Variants in GADL1 observed in about 807,000 individuals in gnomAD.
The protein encoded by GADL1 is GAD like acidic amino acid decarboxylase 1.
Under a neutral mutation model 69.5 loss-of-function variants are expected in GADL1, and 71 were observed. The ratio of observed to expected loss-of-function variants is 1.02; its 90% CI spans 0.84 to 1.25. GADL1 has a LOEUF of 1.25. GADL1 is among the 50% of genes most tolerant of loss of function. The pLI is 0.00. For missense variants in GADL1, 737 were observed against 631.8 expected (o/e 1.17, Z -1.79); for synonymous variants, 254 against 214.4 (o/e 1.18, Z -1.62).
At chr3:30,793,422 A>C (rs1415989087) in intron 12 of GADL1, among the ~76,000 whole-genome samples, 1 of 152,078 alleles carries the variant, frequency 6.6e-6, no homozygotes, top group African/African-American at 2.4e-5. Context: ...GCCGGAAAAA[A>C]AGTACGTTCA....
chr3:30,763,064 A>G (rs1325074350), intron 14 of GADL1, among the ~76,000 whole-genome samples: 1 of 152,218 alleles, frequency 6.6e-6, no homozygotes, highest in Non-Finnish European at 1.5e-5. Context: ...CCATATACTG[A>G]TATCATTTTA....
At chr3:30,853,412 A>T (rs1251873246) in intron 4 of GADL1, among the ~76,000 whole-genome samples, 1 of 152,162 alleles carries the variant, frequency 6.6e-6, no homozygotes, top group Non-Finnish European at 1.5e-5. Flanking sequence ...AGTCTCATCC[A>T]CGTCCACCAT....
intron 11 of GADL1, among the ~76,000 whole-genome samples, chr3:30,822,481 T>G (rs1200705442): frequency 6.6e-6 from 1 of 152,062 alleles, no homozygotes; most frequent in Non-Finnish European, 1.5e-5. Flanking sequence ...AGCCTCTGTT[T>G]TTTAGATCAT....
intron 1 of GADL1, among the ~76,000 whole-genome samples, chr3:30,885,369 T>C (rs1698689313): frequency 1.3e-5 from 2 of 152,102 alleles, no homozygotes; most frequent in South Asian, 2.1e-4. Flanking sequence ...TTTTAAACAA[T>C]AGAATGACAT....
intron 1 of GADL1, among the ~76,000 whole-genome samples, chr3:30,875,211 G>C (rs1324067540): frequency 1.5e-5 from 2 of 135,532 alleles, no homozygotes; most frequent in Non-Finnish European, 3.1e-5. Context: ...CAAGGATATA[G>C]AGAAAAAAAA....
At chr3:30,828,393 C>CT (rs1175436033) in intron 11 of GADL1, among the ~76,000 whole-genome samples, 1 of 147,548 alleles carries the variant, frequency 6.8e-6, no homozygotes, top group Non-Finnish European at 1.5e-5. Context: ...TTACGTTGTA[C>CT]TATGTGGCTC....
intron 14 of GADL1, among the ~76,000 whole-genome samples, chr3:30,751,133 A>G (rs1386311662): frequency 2.0e-5 from 3 of 150,332 alleles, no homozygotes; most frequent in African/African-American, 7.5e-5. Context: ...CTTACGGGCC[A>G]TATCCTCGCT....
In GADL1 at chr3:30,847,217, G is replaced by A. The variant is rs186255423; in HGVS notation, c.652-2751C>T. Among the ~76,000 whole-genome samples the A allele has an allele frequency of 1.8e-4, 27 of 152,224 alleles. No homozygotes were observed. The East Asian group carries it at 5.2e-3, about 29-fold the overall frequency. On this transcript the variant is annotated intron_variant, in intron 6 of 14. Coordinates refer to ENST00000282538, the MANE Select transcript of GADL1 (RefSeq NM_207359.3). ...CTAGAGAGGCAACCTTGGATATATT[G>A]ACAGTGCAAAGGTCTTTGTCATGAC...
intron 14 of GADL1, among the ~76,000 whole-genome samples, chr3:30,771,273 G>C (rs1227417975): frequency 6.6e-6 from 1 of 152,182 alleles, no homozygotes; most frequent in Non-Finnish European, 1.5e-5. Flanking sequence ...GTGGCTTCTT[G>C]ACCCTTAGTT....
intron 11 of GADL1, among the ~76,000 whole-genome samples, chr3:30,825,148 C>T (rs1697662010): frequency 6.6e-6 from 1 of 151,868 alleles, no homozygotes; most frequent in Non-Finnish European, 1.5e-5. Context: ...TATGCAGTTT[C>T]ACATCTTGGA....
chr3:30,789,166 A>C (rs1696861230), intron 12 of GADL1, among the ~76,000 whole-genome samples: 1 of 152,356 alleles, frequency 6.6e-6, no homozygotes, highest in East Asian at 1.9e-4. Flanking sequence ...TGAAAGTCTA[A>C]ATTACTCCTT....
intron 13 of GADL1, among the ~76,000 whole-genome samples, chr3:30,783,104 A>C (rs1428816022): frequency 6.6e-6 from 1 of 152,248 alleles, no homozygotes; most frequent in Non-Finnish European, 1.5e-5. Flanking sequence ...TAACAGATAC[A>C]TTAAGACAGG....
intron 14 of GADL1, among the ~76,000 whole-genome samples, chr3:30,755,219 A>C (rs943472834): frequency 2.0e-5 from 3 of 152,184 alleles, no homozygotes; most frequent in Non-Finnish European, 4.4e-5. Context: ...TTTGTCTTGC[A>C]TGCAATAGGA....
At chr3:30,733,332 C>T (rs1173520210) in intron 14 of GADL1, among the ~76,000 whole-genome samples, 1 of 152,138 alleles carries the variant, frequency 6.6e-6, no homozygotes, top group Non-Finnish European at 1.5e-5. Context: ...GGCTTTCTTC[C>T]AGTATAGTTT....
At chr3:30,740,659 T>G (rs1452331467) in intron 14 of GADL1, among the ~76,000 whole-genome samples, 2 of 151,982 alleles carry the variant, frequency 1.3e-5, no homozygotes, top group East Asian at 3.9e-4. Context: ...TTTCTTACTC[T>G]CCCATATATG....
intron 1 of GADL1, among the ~76,000 whole-genome samples, chr3:30,877,473 C>T (rs1020176158): frequency 6.6e-6 from 1 of 151,862 alleles, no homozygotes; most frequent in Admixed American, 6.6e-5. Flanking sequence ...TCTTTATCCT[C>T]TATCACTGCA....
intron 14 of GADL1, among the ~76,000 whole-genome samples, chr3:30,770,015 A>G (rs922117352): frequency 1.3e-5 from 2 of 152,246 alleles, no homozygotes; most frequent in African/African-American, 2.4e-5. Flanking sequence ...TCATCTGTGT[A>G]TTATCTAGCT....
At chr3:30,873,286 T>C (rs1474826102) in intron 1 of GADL1, among the ~76,000 whole-genome samples, 1 of 152,000 alleles carries the variant, frequency 6.6e-6, no homozygotes. Flanking sequence ...TATATACATA[T>C]ATATGAGGTT....
At chr3:30,818,512 C>G (rs1697514030) in intron 11 of GADL1, among the ~76,000 whole-genome samples, 1 of 152,044 alleles carries the variant, frequency 6.6e-6, no homozygotes, top group Non-Finnish European at 1.5e-5. Context: ...AGAATAATTT[C>G]TGCCTCCCCT....
Sources: allele counts gnomAD v4.1 joint callset (sites outside exome capture counted in the v4.1 genomes callset), GRCh38; gene constraint gnomAD v4.1.1; transcripts MANE v1.5; gene names NCBI Gene and HGNC (gene_info 2026-07-23, HGNC 2026-07-21).